ROBO2: variants seen among roughly 807,000 people sequenced by gnomAD.
ROBO2 encodes roundabout homolog 2.
In ROBO2, 53 loss-of-function variants were observed where a neutral mutation model predicts 160.8. The ratio of observed to expected loss-of-function variants is 0.33; its 90% CI spans 0.26 to 0.41. The LOEUF (loss-of-function observed/expected upper bound fraction) is 0.41. Ranked by LOEUF, ROBO2 falls within the 10% of genes least tolerant of loss-of-function variation. ROBO2 has a pLI of 1.00. For missense variants in ROBO2, 1,577 were observed against 1,722.4 expected, an observed-to-expected ratio of 0.92 and a Z score of 1.49; for synonymous variants, 664 against 611.7, an observed-to-expected ratio of 1.09 and a Z score of -1.26.
intron 18 of ROBO2, among the ~76,000 whole-genome samples, chr3:77,595,988 C>T (rs764886605): frequency 2.3e-4 from 35 of 151,930 alleles, no homozygotes; most frequent in Non-Finnish European, 4.0e-4. Context: ...CTAAATATGA[C>T]GTGAAGGAAA....
chr3:77,629,556 C>A (rs2095112119), intron 23 of ROBO2: 1 of 152,184 alleles, frequency 6.6e-6, no homozygotes, highest in South Asian at 2.1e-4. Context: ...AACTTAGCTG[C>A]CACTTAATGT....
chr3:76,543,196 G>T (rs1439736944), intron 2 of ROBO2, among the ~76,000 whole-genome samples: 2 of 152,108 alleles, frequency 1.3e-5, no homozygotes, highest in African/African-American at 4.8e-5. Flanking sequence ...TCATCTGATT[G>T]TTCACAATGA....
chr3:77,504,625 A>G (rs773594943), intron 5 of ROBO2, among the ~76,000 whole-genome samples: 1 of 152,212 alleles, frequency 6.6e-6, no homozygotes, highest in Non-Finnish European at 1.5e-5. Context: ...AGACATATAT[A>G]TAGTTGATTT....
intron 2 of ROBO2, among the ~76,000 whole-genome samples, chr3:75,975,156 A>T (rs2065103708): frequency 6.6e-6 from 1 of 151,562 alleles, no homozygotes. Flanking sequence ...CTAGACAATT[A>T]TCACTAGCAT....
intron 2 of ROBO2, among the ~76,000 whole-genome samples, chr3:76,178,320 A>T (rs569256430): frequency 6.6e-6 from 1 of 152,266 alleles, no homozygotes; most frequent in South Asian, 2.1e-4. Context: ...ATGCTATAGG[A>T]TAGTGAATTA....
At chr3:76,573,791 TG>T (rs1255288441) in intron 2 of ROBO2, among the ~76,000 whole-genome samples, 1 of 152,092 alleles carries the variant, frequency 6.6e-6, no homozygotes, top group Non-Finnish European at 1.5e-5. Flanking sequence ...CCTCATTCCT[TG>T]GGCACTTTTT....
At chr3:75,968,390 A>G (rs938434116) in intron 2 of ROBO2, among the ~76,000 whole-genome samples, 2 of 151,280 alleles carry the variant, frequency 1.3e-5, no homozygotes, top group African/African-American at 2.4e-5. Flanking sequence ...GTAATTGTAA[A>G]TCTCTCCCAT....
At chr3:76,698,218 A>C (rs2092972402) in intron 2 of ROBO2, among the ~76,000 whole-genome samples, 1 of 152,228 alleles carries the variant, frequency 6.6e-6, no homozygotes, top group African/African-American at 2.4e-5. Flanking sequence ...GAATGGAGGC[A>C]GGAAAGCCCT....
At chr3:76,662,130 C>G (rs890670101) in intron 2 of ROBO2, among the ~76,000 whole-genome samples, 2 of 152,094 alleles carry the variant, frequency 1.3e-5, no homozygotes, top group Admixed American at 6.6e-5. Flanking sequence ...ATGGCCTGAA[C>G]TAGTTTTTAA....
At position 77,551,015 on chromosome 3, in the gene ROBO2, T is replaced by A. The variant is rs369504925; in HGVS notation, c.1231+26T>A. On this transcript the variant is annotated intron_variant, in intron 8 of 25. Coordinates refer to ENST00000461745, the Ensembl canonical transcript of ROBO2. Reference sequence around the variant, plus strand: ...GTGCGATATCTTTACTAGATTTGTCTTATGAAAACATTGATTTTTATTTCT... The same window carrying A: ...GTGCGATATCTTTACTAGATTTGTCATATGAAAACATTGATTTTTATTTCT... 10 of 1,610,370 alleles carry A rather than the reference T, an allele frequency of 6.2e-6. No homozygotes were observed. The African/African-American group carries it at 1.3e-4, about 22-fold the overall frequency.
At chr3:76,397,161 G>A (rs1039720106) in intron 2 of ROBO2, among the ~76,000 whole-genome samples, 7 of 152,086 alleles carry the variant, frequency 4.6e-5, no homozygotes, top group East Asian at 1.9e-4. Context: ...GCCCTCAGAA[G>A]TAACGCCCCA....
At chr3:77,271,731 C>T (rs994483798) in intron 2 of ROBO2, among the ~76,000 whole-genome samples, 6 of 152,132 alleles carry the variant, frequency 3.9e-5, no homozygotes, top group African/African-American at 1.4e-4. Context: ...GTTGTGGGTG[C>T]CCTAAATTAC....
chr3:76,135,014 T>G (rs1242109428), intron 2 of ROBO2, among the ~76,000 whole-genome samples: 1 of 152,064 alleles, frequency 6.6e-6, no homozygotes, highest in African/African-American at 2.4e-5. Context: ...CTCACAGTCA[T>G]TTAGGACCTT....
chr3:77,264,341 G>A (rs1159995393), intron 2 of ROBO2, among the ~76,000 whole-genome samples: 1 of 152,046 alleles, frequency 6.6e-6, no homozygotes, highest in Non-Finnish European at 1.5e-5. Flanking sequence ...TCCTGACTTT[G>A]TTCATTGTTC....
At position 76,286,411 on chromosome 3, in the gene ROBO2, G is replaced by T. The variant is rs538506005; in HGVS notation, c.109+348809G>T. Reference sequence around the variant, plus strand: ...AAACTGATACAGTGGTGTAAGAATAGTGTTGGCAGAGATGCTTTTCCTATC... The same window carrying T: ...AAACTGATACAGTGGTGTAAGAATATTGTTGGCAGAGATGCTTTTCCTATC... On this transcript the variant is annotated intron_variant, in intron 2 of 26. Coordinates refer to the ROBO2 transcript ENST00000487694. Among the ~76,000 whole-genome samples, 7 of 152,292 alleles carry T rather than the reference G, an allele frequency of 4.6e-5. No individual in the cohort carries two copies. The South Asian group carries it at 1.5e-3, about 32-fold the overall frequency.
intron 2 of ROBO2, among the ~76,000 whole-genome samples, chr3:77,320,452 T>A (rs1354998893): frequency 2.0e-5 from 3 of 152,126 alleles, no homozygotes; most frequent in African/African-American, 4.8e-5. Context: ...TGCCTCTTGA[T>A]CTTTTCCCAC....
chr3:76,434,406 G>A (rs1481452591), intron 2 of ROBO2: 1 of 1,565,704 alleles, frequency 6.4e-7, no homozygotes, highest in Non-Finnish European at 8.8e-7. Flanking sequence ...GTCAACGAAA[G>A]TATCCAGGCC....
intron 2 of ROBO2, among the ~76,000 whole-genome samples, chr3:76,702,795 G>A (rs1204083176): frequency 6.6e-6 from 1 of 152,060 alleles, no homozygotes; most frequent in Non-Finnish European, 1.5e-5. Flanking sequence ...AACAAAAAAA[G>A]TCAGACTCCA....
At chr3:77,285,424 G>A (rs183323205) in intron 2 of ROBO2, among the ~76,000 whole-genome samples, 2 of 152,176 alleles carry the variant, frequency 1.3e-5, no homozygotes, top group Admixed American at 1.3e-4. Context: ...TATTTACCTC[G>A]TCCTCTCACT....
Sources: allele counts gnomAD v4.1 joint callset (sites outside exome capture counted in the v4.1 genomes callset), GRCh38; gene constraint gnomAD v4.1.1; transcripts MANE v1.5; gene names NCBI Gene and HGNC (gene_info 2026-07-23, HGNC 2026-07-21).